NKD1: variants seen among roughly 807,000 people sequenced by gnomAD.
NKD1 encodes NKD inhibitor of Wnt signaling pathway 1, also known as protein naked cuticle homolog 1.
Under a neutral mutation model 56.0 loss-of-function variants are expected in NKD1, and 21 were observed. The observed-to-expected ratio is 0.38, with a 90% CI of 0.27 to 0.54. The LOEUF is 0.54. Among genes scored for constraint, NKD1 ranks in the 20% least tolerant of loss-of-function variants. The probability of loss-of-function intolerance (pLI) is 0.82; values close to 1 mark genes in which losing one functional copy is unlikely to be tolerated. For synonymous variants in NKD1, 263 were observed against 265.7 expected, an observed-to-expected ratio of 0.99 and a Z score of 0.10; for missense variants, 578 against 642.7, an observed-to-expected ratio of 0.90 and a Z score of 1.09.
intron 3 of NKD1, among the ~76,000 whole-genome samples, chr16:50,584,807 C>A (rs1189534893): frequency 5.9e-5 from 9 of 152,188 alleles, no homozygotes; most frequent in Non-Finnish European, 1.3e-4. Flanking sequence ...TAGGATGTCA[C>A]CTGCTGAGCC....
At chr16:50,584,304 A>G (rs1364438575) in intron 3 of NKD1, among the ~76,000 whole-genome samples, 1 of 152,216 alleles carries the variant, frequency 6.6e-6, no homozygotes, top group Non-Finnish European at 1.5e-5. Context: ...TTTCTGTATC[A>G]CATTCACTAC....
chr16:50,585,316 T>C (rs1961203460), intron 3 of NKD1, among the ~76,000 whole-genome samples: 1 of 152,152 alleles, frequency 6.6e-6, no homozygotes, highest in East Asian at 1.9e-4. Flanking sequence ...CACTTCCCAA[T>C]TCCTGGGCTC....
At position 50,632,276 on chromosome 16, in the gene NKD1, C is replaced by T. The variant is rs372299230; in HGVS notation, c.696-5C>T. On this transcript the variant is annotated splice_polypyrimidine_tract_variant and splice_region_variant and intron_variant, in intron 8 of 9. Coordinates refer to ENST00000268459, the MANE Select transcript of NKD1 (RefSeq NM_033119.5). The surrounding 1 kb of genome is among the most constrained non-coding windows in gnomAD (Gnocchi z 4.1). Reference sequence around the variant, plus strand: ...TATCCCACTCACTTGCCTCCCCTGCCGTAGGTTCCAGGGTGACAGCCGCCT... The same window carrying T: ...TATCCCACTCACTTGCCTCCCCTGCTGTAGGTTCCAGGGTGACAGCCGCCT... 21 of 1,613,890 alleles carry T rather than the reference C, an allele frequency of 1.3e-5. No individual in the cohort carries two copies. The highest frequency in any genetic ancestry group is 4.0e-5 in the African/African-American group (3 of 74,928).
chr16:50,636,390 A>G lies in NKD1; in HGVS notation c.*2609A>G, dbSNP rs1199913707. The G allele has an allele frequency of 6.6e-6, 1 of 152,356 alleles. No homozygotes were observed. Among genetic ancestry groups the G allele is most frequent in the East Asian group, 1.9e-4 (1 of 5,194 alleles). 9.4% of individuals were successfully genotyped at this position (152,356 alleles called of 1,614,324 possible). ...CAACTTTAAAAACATTATTTAAAAA[A>G]ATAGTAATGTGCACATGTAAAAGAT... On this transcript the variant is annotated 3_prime_UTR_variant, in exon 10 of 10. Transcript: ENST00000268459.
At chr16:50,616,761 C>T (rs1331293172) in intron 4 of NKD1, among the ~76,000 whole-genome samples, 1 of 152,194 alleles carries the variant, frequency 6.6e-6, no homozygotes, top group Non-Finnish European at 1.5e-5. Flanking sequence ...GACAGCACCC[C>T]ACTAGCTCCG....
rs1053026029 is a variant in NKD1, at chr16:50,640,205, A to T, written c.*6424A>T. The T allele has an allele frequency of 2.0e-5, 3 of 152,274 alleles. No homozygotes were observed. Among genetic ancestry groups the T allele is most frequent in the Admixed American group, 2.0e-4 (3 of 15,284 alleles). The allele number at this position is 152,274 out of a possible 1,614,324, so 9.4% of individuals were successfully genotyped here. ...AGGAACTAAGGGCGAGCACTGGAGA[A>T]GGCAACCTGGGACCCCCTGCGCTTC... On this transcript the variant is annotated 3_prime_UTR_variant, in exon 10 of 10. Transcript: ENST00000268459.
chr16:50,613,311 C>T (rs1961888387), intron 4 of NKD1, among the ~76,000 whole-genome samples: 1 of 152,120 alleles, frequency 6.6e-6, no homozygotes, highest in Non-Finnish European at 1.5e-5. Flanking sequence ...CAAGACTTCT[C>T]AGGAAGTAGC....
chr16:50,587,262 G>A (rs1485504515), intron 3 of NKD1, among the ~76,000 whole-genome samples: 2 of 152,206 alleles, frequency 1.3e-5, no homozygotes, highest in Non-Finnish European at 2.9e-5. Flanking sequence ...CTGAGACTCT[G>A]CATTTCTGAC....
chr16:50,562,748 G>A (rs1201839295), intron 3 of NKD1, among the ~76,000 whole-genome samples: 2 of 152,128 alleles, frequency 1.3e-5, no homozygotes, highest in East Asian at 3.9e-4. Context: ...TGCAGGAGTT[G>A]GAGAGGGATG....
chr16:50,596,774 G>A (rs1307932652), intron 3 of NKD1, among the ~76,000 whole-genome samples: 1 of 152,228 alleles, frequency 6.6e-6, no homozygotes, highest in African/African-American at 2.4e-5. Flanking sequence ...AGAGGGGGCT[G>A]CAGTTTTAAA....
Position 50,548,479 on chromosome 16 carries a change from G to A in NKD1, c.-75G>A, listed in dbSNP as rs982300591. The A allele has an allele frequency of 1.6e-6, 2 of 1,245,758 alleles. No individual in the cohort carries two copies. The highest frequency in any genetic ancestry group is 1.1e-6 in the Non-Finnish European group (1 of 950,450). 77.2% of individuals were successfully genotyped at this position (1,245,758 alleles called of 1,614,324 possible). A position where few individuals can be genotyped will look rare whatever the true frequency, so the allele number is the denominator to read the frequency against. On this transcript the variant is annotated 5_prime_UTR_variant, in exon 1 of 10. Coordinates refer to ENST00000268459, the MANE Select transcript of NKD1 (RefSeq NM_033119.5). ...GGCTCGGGGGCTGCTTCGGGAGGAG[G>A]AGAGCCAAGGGAGGCGCCAGGCCCG...
intron 3 of NKD1, chr16:50,555,413 G>A (rs1036176697): frequency 6.6e-6 from 1 of 152,436 alleles, no homozygotes; most frequent in Non-Finnish European, 1.5e-5. Flanking sequence ...GGCAGTCAGC[G>A]AGCGTGCTGC....
chr16:50,590,628 T>C (rs1057150507), intron 3 of NKD1, among the ~76,000 whole-genome samples: 10 of 152,208 alleles, frequency 6.6e-5, no homozygotes, highest in African/African-American at 2.2e-4. Context: ...TTGCCCATCA[T>C]ACAGAGGAGG....
chr16:50,621,416 T>TC (rs966285704), intron 4 of NKD1, among the ~76,000 whole-genome samples, 186 bp from the exon 5 acceptor site: 1 of 152,078 alleles, frequency 6.6e-6, no homozygotes. Flanking sequence ...TGGGGGAAGG[T>TC]CTTCCCAGGC....
chr16:50,638,909 A>G lies in NKD1; in HGVS notation c.*5128A>G, dbSNP rs1962524652. ...CCTCCACTGTCTCCCACAAAGTAGA[A>G]GAATCCTGGTACATTTAGCCCATGA... On this transcript the variant is annotated 3_prime_UTR_variant, in exon 10 of 10. Coordinates refer to ENST00000268459, the MANE Select transcript of NKD1 (RefSeq NM_033119.5). 1 of 152,230 alleles carries G rather than the reference A, an allele frequency of 6.6e-6. No individual in the cohort carries two copies. The highest frequency in any genetic ancestry group is 1.5e-5 in the Non-Finnish European group (1 of 68,056). The allele number at this position is 152,230 out of a possible 1,614,324, so 9.4% of individuals were successfully genotyped here.
intron 8 of NKD1, among the ~76,000 whole-genome samples, chr16:50,631,620 G>A (rs989678543): frequency 5.3e-5 from 8 of 152,214 alleles, no homozygotes; most frequent in African/African-American, 1.9e-4. Flanking sequence ...AGATCCTGGG[G>A]GAAGGTGGTA....
chr16:50,610,989 C>T (rs1476361461), intron 4 of NKD1, among the ~76,000 whole-genome samples: 1 of 152,174 alleles, frequency 6.6e-6, no homozygotes, highest in Non-Finnish European at 1.5e-5. Flanking sequence ...CAGCTGAGGT[C>T]TGAGGACCAG....
chr16:50,621,553 C>T (rs541081870), intron 4 of NKD1, 49 bp from the exon 5 acceptor site: 50 of 1,377,862 alleles, frequency 3.6e-5, no homozygotes, highest in African/African-American at 1.8e-4. Context: ...CATGGCTGCC[C>T]GGCGTCTGGA....
intron 3 of NKD1, among the ~76,000 whole-genome samples, chr16:50,588,728 C>T (rs1961284264): frequency 2.0e-5 from 3 of 151,394 alleles, no homozygotes; most frequent in Admixed American, 1.3e-4. Flanking sequence ...CTCAGCTTCC[C>T]GATTAGCTGG....
Sources: gnomAD v4.1 joint callset for allele counts (sites outside exome capture counted in the v4.1 genomes callset) on GRCh38, gnomAD v4.1.1 for gene constraint, Gnocchi (gnomAD v3.1) non-coding constraint, MANE v1.5 for transcripts, NCBI Gene and HGNC (gene_info 2026-07-23, HGNC 2026-07-21) for gene names.